The following ANTXR1 variants were observed in gnomAD, a reference collection of about 807,000 sequenced individuals.
The protein encoded by ANTXR1 is anthrax toxin receptor 1.
Under a neutral mutation model 78.1 loss-of-function variants are expected in ANTXR1, and 19 were observed. That is an observed-to-expected ratio of 0.24 (90% CI 0.17 to 0.36). The LOEUF (loss-of-function observed/expected upper bound fraction) is 0.36, where lower values mean the gene tolerates loss of function less well. Among genes scored for constraint, ANTXR1 ranks in the 10% least tolerant of loss-of-function variants. The pLI is 1.00. For synonymous variants in ANTXR1, 273 were observed against 260.5 expected (o/e 1.05, Z -0.46); for missense variants, 518 against 718.6 (o/e 0.72, Z 3.19).
At chr2:69,017,445 G>A (rs1045536437) in intron 1 of ANTXR1, among the ~76,000 whole-genome samples, 3 of 152,138 alleles carry the variant, frequency 2.0e-5, no homozygotes, top group African/African-American at 7.2e-5. Flanking sequence ...TTCTTCCCCT[G>A]CAACTGGTTC....
intron 17 of ANTXR1, among the ~76,000 whole-genome samples, chr2:69,245,015 GA>G (rs1675980830): frequency 6.6e-6 from 1 of 152,068 alleles, no homozygotes; most frequent in Non-Finnish European, 1.5e-5. Flanking sequence ...TAGACTCCAG[GA>G]AAAGATGAAT....
chr2:69,227,591 T>G (rs1675487159), intron 17 of ANTXR1, among the ~76,000 whole-genome samples: 1 of 152,054 alleles, frequency 6.6e-6, no homozygotes, highest in South Asian at 2.1e-4. Flanking sequence ...ACTATCGAAC[T>G]TTTTTTTCCC....
intron 2 of ANTXR1, among the ~76,000 whole-genome samples, chr2:69,041,909 G>A (rs970548245): frequency 3.3e-5 from 5 of 152,120 alleles, no homozygotes; most frequent in African/African-American, 1.2e-4. Flanking sequence ...TCAAAGTGTG[G>A]AGCCAAGATC....
At chr2:69,115,697 G>A (rs1024381196) in intron 10 of ANTXR1, among the ~76,000 whole-genome samples, 1 of 152,194 alleles carries the variant, frequency 6.6e-6, no homozygotes, top group Non-Finnish European at 1.5e-5. Context: ...TATAGGAACT[G>A]GTAAAATAGC....
intron 17 of ANTXR1, among the ~76,000 whole-genome samples, chr2:69,218,082 G>A (rs1218929419): frequency 6.6e-6 from 1 of 152,166 alleles, no homozygotes; most frequent in Non-Finnish European, 1.5e-5. Context: ...AACTGTTAAG[G>A]AGGCAGAGAG....
chr2:69,118,590 G>C (rs1672232120), intron 10 of ANTXR1, among the ~76,000 whole-genome samples: 1 of 152,172 alleles, frequency 6.6e-6, no homozygotes, highest in Non-Finnish European at 1.5e-5. Context: ...CCCGGTGCTA[G>C]TGAGCAGCGA....
intron 12 of ANTXR1, among the ~76,000 whole-genome samples, chr2:69,150,424 A>G (rs1673360550): frequency 6.6e-6 from 1 of 152,204 alleles, no homozygotes; most frequent in South Asian, 2.1e-4. Context: ...GCCCCTGGAT[A>G]AGAATCCCTG....
chr2:69,080,248 G>A (rs934839822), intron 8 of ANTXR1, among the ~76,000 whole-genome samples: 5 of 152,068 alleles, frequency 3.3e-5, no homozygotes, highest in Non-Finnish European at 7.4e-5. Flanking sequence ...AAATAATTAC[G>A]GCCTAAAAGT....
chr2:69,203,302 G>A (rs967344222), intron 17 of ANTXR1, among the ~76,000 whole-genome samples: 12 of 152,200 alleles, frequency 7.9e-5, no homozygotes, highest in Admixed American at 3.3e-4. Flanking sequence ...ATCTTCCCTG[G>A]ATGTTTGAAT....
intron 3 of ANTXR1, among the ~76,000 whole-genome samples, chr2:69,065,510 A>C (rs1670373005): frequency 6.6e-6 from 1 of 152,056 alleles, no homozygotes; most frequent in Non-Finnish European, 1.5e-5. Flanking sequence ...ATTACTACAG[A>C]TCCTACAAAT....
chr2:69,176,320 T>C (rs1674118135), intron 14 of ANTXR1, among the ~76,000 whole-genome samples: 1 of 152,154 alleles, frequency 6.6e-6, no homozygotes, highest in Non-Finnish European at 1.5e-5. Flanking sequence ...CGGCTCAGAA[T>C]GGTGAAATCT....
intron 12 of ANTXR1, chr2:69,146,216 G>A (rs1375431060): frequency 2.0e-6 from 2 of 985,254 alleles, no homozygotes; most frequent in African/African-American, 3.5e-5. Context: ...TGAAGAAAAT[G>A]GATGATCCCC....
intron 10 of ANTXR1, among the ~76,000 whole-genome samples, chr2:69,118,444 A>G (rs978505079): frequency 2.0e-5 from 3 of 152,180 alleles, no homozygotes; most frequent in Admixed American, 6.5e-5. Context: ...AGAAAATAAC[A>G]AAAATTTAAA....
chr2:69,054,681 G>A (rs1256113660), intron 3 of ANTXR1, among the ~76,000 whole-genome samples: 1 of 152,150 alleles, frequency 6.6e-6, no homozygotes, highest in East Asian at 1.9e-4. Context: ...AGGGGAAAAT[G>A]ACATACTCTG....
chr2:69,146,753 C>G (rs1673237693), intron 12 of ANTXR1, among the ~76,000 whole-genome samples: 1 of 152,238 alleles, frequency 6.6e-6, no homozygotes, highest in Non-Finnish European at 1.5e-5. Context: ...CCTGCCAGCT[C>G]TCATCTGAGA....
Position 69,013,220 on chromosome 2 carries a change from A to T in ANTXR1, c.-280A>T. 2.6e-6 allele frequency: 1 copy of T among 391,846 alleles called. No individual in the cohort carries two copies. 24.3% of individuals were successfully genotyped at this position (391,846 alleles called of 1,614,324 possible). A position where few individuals can be genotyped will look rare whatever the true frequency, so the allele number is the denominator to read the frequency against. On this transcript the variant is annotated 5_prime_UTR_variant, in exon 1 of 18. Coordinates refer to ENST00000303714, the MANE Select transcript of ANTXR1 (RefSeq NM_032208.3). The surrounding 1 kb of genome is among the most constrained non-coding windows in gnomAD (Gnocchi z 5.0). ...TGCAAAAGCTCGGCGCGGCCTCGGG[A>T]GCTGCCCGGCGGCCCCGGACCGAGG...
chr2:69,219,421 A>ACACACACACACACC (rs1305493104), intron 17 of ANTXR1, among the ~76,000 whole-genome samples: 18 of 150,092 alleles, frequency 1.2e-4, no homozygotes, highest in South Asian at 2.1e-4. Context: ...ACACACACAC[A>ACACACACACACACC]CCCTACTGAT....
intron 13 of ANTXR1, among the ~76,000 whole-genome samples, chr2:69,169,910 T>G (rs780551009): frequency 6.6e-6 from 1 of 152,266 alleles, no homozygotes; most frequent in African/African-American, 2.4e-5. Flanking sequence ...ATAAATAATC[T>G]GATATGTGAA....
At chr2:69,149,491 G>A (rs1573934573) in intron 12 of ANTXR1, among the ~76,000 whole-genome samples, 1 of 152,302 alleles carries the variant, frequency 6.6e-6, no homozygotes, top group Non-Finnish European at 1.5e-5. Context: ...TTCTGCTTTA[G>A]TTCATCTACC....
Sources: gnomAD v4.1 joint callset for allele counts (sites outside exome capture counted in the v4.1 genomes callset) on GRCh38, gnomAD v4.1.1 for gene constraint, Gnocchi (gnomAD v3.1) non-coding constraint, MANE v1.5 for transcripts, NCBI Gene and HGNC (gene_info 2026-07-23, HGNC 2026-07-21) for gene names.